Variants in UTRN observed in about 807,000 individuals in gnomAD.
The protein encoded by UTRN is dystrophin-related protein 1.
UTRN carries 283 observed loss-of-function variants against 463.9 expected under a neutral mutation model. That is an observed-to-expected ratio of 0.61 (90% CI 0.55 to 0.67). The LOEUF is 0.67. Among genes scored for constraint, UTRN ranks in the 30% least tolerant of loss-of-function variants. The pLI, the probability that UTRN is intolerant of heterozygous loss-of-function variation, is 0.00. For synonymous variants in UTRN, 1,442 were observed against 1,431.5 expected, an observed-to-expected ratio of 1.01 and a Z score of -0.17; for missense variants, 3,922 against 4,084.3, an observed-to-expected ratio of 0.96 and a Z score of 1.08.
chr6:144,748,201 A>G (rs1303853123), intron 54 of UTRN, 45 bp from the exon 55 acceptor site: 2 of 1,557,136 alleles, frequency 1.3e-6, no homozygotes, highest in Non-Finnish European at 1.7e-6. Context: ...TTAAGAATAT[A>G]TAATCAGACA....
intron 73 of UTRN, among the ~76,000 whole-genome samples, chr6:144,843,062 A>G (rs1781728026): frequency 6.6e-6 from 1 of 152,202 alleles, no homozygotes; most frequent in Non-Finnish European, 1.5e-5. Context: ...GTGAGTAGAT[A>G]AAATCTCATC....
At chr6:144,300,836 A>G (rs1805178964) in intron 2 of UTRN, among the ~76,000 whole-genome samples, 2 of 152,264 alleles carry the variant, frequency 1.3e-5, no homozygotes, top group African/African-American at 4.8e-5. Flanking sequence ...AGAAACTGCA[A>G]AATAAAAGTA....
At position 144,493,519 on chromosome 6, in the gene UTRN, C is replaced by G. The variant is rs75164281; in HGVS notation, c.4593+63C>G. 10,309 of 1,517,920 alleles carry G rather than the reference C, an allele frequency of 6.8e-3. 46 individuals are homozygous for G. The highest frequency in any genetic ancestry group is 9.3e-3 in the Middle Eastern group (53 of 5,696). 94.0% of individuals were successfully genotyped at this position (1,517,920 alleles called of 1,614,324 possible). ...TCTCTCTCTCTCTCTCAATCTCTCT[C>G]TCTCTCTCGTTCTCTCTCATGTATT... On this transcript the variant is annotated intron_variant, in intron 33 of 74. Coordinates refer to ENST00000367545, the MANE Select transcript of UTRN (RefSeq NM_007124.3).
chr6:144,379,541 T>C (rs1780735316), intron 2 of UTRN, among the ~76,000 whole-genome samples: 1 of 152,210 alleles, frequency 6.6e-6, no homozygotes, highest in Non-Finnish European at 1.5e-5. Context: ...GCTGTGAGCT[T>C]CTCTTAGAGT....
intron 61 of UTRN, among the ~76,000 whole-genome samples, chr6:144,786,066 G>A (rs6906777): frequency 0.43 from 65,121 of 151,968 alleles, 15,892 homozygotes; most frequent in African/African-American, 0.65. Flanking sequence ...AGTTAAACCA[G>A]TTTAAAGAGT....
At chr6:144,512,605 G>T in intron 35 of UTRN, among the ~76,000 whole-genome samples, 1 of 151,034 alleles carries the variant, frequency 6.6e-6, no homozygotes, top group African/African-American at 2.4e-5. Flanking sequence ...CCATGCTGGA[G>T]TGCAGTGGTA....
intron 2 of UTRN, among the ~76,000 whole-genome samples, chr6:144,360,783 A>G (rs1358880125): frequency 6.6e-6 from 1 of 152,200 alleles, no homozygotes; most frequent in Non-Finnish European, 1.5e-5. Flanking sequence ...TTGGGTTGTG[A>G]TCGAATGGTA....
rs547424994 is a variant in UTRN, at chr6:144,436,724, T to C, written c.1059+586T>C. On this transcript the variant is annotated intron_variant, in intron 10 of 74. Transcript: ENST00000367545. ...ATAAGTGGTAATATCTCTTAAACAG[T>C]TCCTCTTGGGTGAGTATGGTATTTT... Among the ~76,000 whole-genome samples, 155 of 147,790 alleles carry C rather than the reference T, an allele frequency of 1.0e-3. 1 individual carries two copies. The highest frequency in any genetic ancestry group is 3.7e-3 in the African/African-American group (150 of 40,578).
At chr6:144,727,180 G>T (rs1198761670) in intron 53 of UTRN, among the ~76,000 whole-genome samples, 1 of 152,154 alleles carries the variant, frequency 6.6e-6, no homozygotes, top group Non-Finnish European at 1.5e-5. Flanking sequence ...GGCCAGTTCT[G>T]CCTCTGCTCT....
intron 28 of UTRN, 30 bp from the exon 29 acceptor site, chr6:144,487,518 T>C (rs1185998301): frequency 1.3e-6 from 2 of 1,569,910 alleles, no homozygotes; most frequent in Non-Finnish European, 1.7e-6. Flanking sequence ...GTAAATGCAT[T>C]ATTATTTTTT....
chr6:144,610,686 C>A (rs1000995176), intron 51 of UTRN, among the ~76,000 whole-genome samples: 1 of 152,074 alleles, frequency 6.6e-6, no homozygotes, highest in East Asian at 1.9e-4. Flanking sequence ...ACCAGCCTGG[C>A]CAACATGGTG....
intron 52 of UTRN, among the ~76,000 whole-genome samples, chr6:144,689,224 A>G (rs2128690860): frequency 6.6e-6 from 1 of 152,268 alleles, no homozygotes; most frequent in Non-Finnish European, 1.5e-5. Context: ...ATGGCTGTCT[A>G]CAGGTGCACC....
At chr6:144,544,867 G>A (rs145198513) in intron 46 of UTRN, among the ~76,000 whole-genome samples, 570 of 152,062 alleles carry the variant, frequency 3.7e-3, no homozygotes, top group Non-Finnish European at 7.0e-3. Context: ...TCTCTGGGCT[G>A]CTTACGTATC....
At chr6:144,804,848 C>T (rs1208398960) in intron 65 of UTRN, among the ~76,000 whole-genome samples, 1 of 152,138 alleles carries the variant, frequency 6.6e-6, no homozygotes, top group African/African-American at 2.4e-5. Context: ...AAACCCTTTC[C>T]AGTAAATGCC....
At chr6:144,679,550 G>A (rs1282484564) in intron 52 of UTRN, among the ~76,000 whole-genome samples, 1 of 151,888 alleles carries the variant, frequency 6.6e-6, no homozygotes, top group Non-Finnish European at 1.5e-5. Context: ...TTTGAGCCTT[G>A]GATTATTTTA....
At chr6:144,337,282 T>C (rs1776811958) in intron 2 of UTRN, among the ~76,000 whole-genome samples, 1 of 152,166 alleles carries the variant, frequency 6.6e-6, no homozygotes, top group Non-Finnish European at 1.5e-5. Flanking sequence ...ACACTCCTTC[T>C]ATCTACTCCT....
chr6:144,658,455 G>A (rs765676562), intron 51 of UTRN, among the ~76,000 whole-genome samples: 1 of 152,036 alleles, frequency 6.6e-6, no homozygotes, highest in Non-Finnish European at 1.5e-5. Context: ...AATCTCTTAC[G>A]ACCCATGATT....
At chr6:144,307,831 T>C (rs1033771233) in intron 2 of UTRN, among the ~76,000 whole-genome samples, 1 of 151,230 alleles carries the variant, frequency 6.6e-6, no homozygotes, top group African/African-American at 2.5e-5. Context: ...TTTTTTTTTT[T>C]AATTAATGAA....
chr6:144,514,677 A>G lies in UTRN; in HGVS notation c.5101A>G (p.Asn1701Asp). The G allele has an allele frequency of 1.2e-6, 2 of 1,614,112 alleles. No homozygotes were observed. The highest frequency in any genetic ancestry group is 3.3e-4 in the Middle Eastern group (2 of 6,062). ...KRLVSELDDA[N>D]LQVENVRDQA... is the part of the protein sequence containing the mutation. ...TTTAGTATCTGAGCTGGATGATGCC[A>G]ACCTCCAGGTTGAAAATGTCCGCGA... Residue 1701 changes from asparagine (N) to aspartate (D), a missense_variant, in exon 37 of 75, where the codon AAC (asparagine) becomes GAC (aspartate). This residue lies in a region of UTRN where 2,349 missense variants were observed against 2,303.8 expected (regional missense o/e 1.02). Coordinates refer to ENST00000367545, the MANE Select transcript of UTRN (RefSeq NM_007124.3).
Sources: gnomAD v4.1 joint callset for allele counts (sites outside exome capture counted in the v4.1 genomes callset) on GRCh38, gnomAD v4.1.1 for gene constraint, gnomAD v4.1.1 regional missense constraint, MANE v1.5 for transcripts, NCBI Gene and HGNC (gene_info 2026-07-23, HGNC 2026-07-21) for gene names.